Variants in ATRNL1 observed in about 807,000 individuals in gnomAD.
The protein encoded by ATRNL1 is attractin-like protein 1.
In ATRNL1, 95 loss-of-function variants were observed where a neutral mutation model predicts 182.7. That is an observed-to-expected ratio of 0.52 (90% CI 0.44 to 0.62). ATRNL1 has a LOEUF of 0.62. Among genes scored for constraint, ATRNL1 ranks in the 20% least tolerant of loss-of-function variants. The pLI is 0.00. For synonymous variants in ATRNL1, 576 were observed against 568.3 expected (o/e 1.01, Z -0.19); for missense variants, 1,471 against 1,679.5 (o/e 0.88, Z 2.17).
At chr10:115,492,205 C>T (rs932674290) in intron 24 of ATRNL1, among the ~76,000 whole-genome samples, 2 of 152,126 alleles carry the variant, frequency 1.3e-5, no homozygotes, top group African/African-American at 2.4e-5. Flanking sequence ...GCTAGCAAAT[C>T]GTCAAGCTCT....
intron 26 of ATRNL1, among the ~76,000 whole-genome samples, chr10:115,588,690 A>T (rs996664122): frequency 6.6e-6 from 1 of 152,028 alleles, no homozygotes; most frequent in Non-Finnish European, 1.5e-5. Context: ...TGTGTCCCAG[A>T]TTTTCCTACC....
At chr10:115,595,962 T>C (rs1856212441) in intron 26 of ATRNL1, among the ~76,000 whole-genome samples, 1 of 152,186 alleles carries the variant, frequency 6.6e-6, no homozygotes, top group African/African-American at 2.4e-5. Context: ...ATAACAGCTT[T>C]TAAAGGTTTG....
chr10:115,312,618 G>C (rs1854091939), intron 17 of ATRNL1, among the ~76,000 whole-genome samples: 1 of 152,128 alleles, frequency 6.6e-6, no homozygotes, highest in Non-Finnish European at 1.5e-5. Flanking sequence ...TCTCTCAGGA[G>C]CTCTTTGAGC....
chr10:115,379,741 C>T (rs1260697553), intron 19 of ATRNL1, among the ~76,000 whole-genome samples: 1 of 152,184 alleles, frequency 6.6e-6, no homozygotes, highest in Non-Finnish European at 1.5e-5. Flanking sequence ...CTGTAATTCT[C>T]ACATCTTATG....
At chr10:115,368,777 G>T (rs1352035541) in intron 19 of ATRNL1, among the ~76,000 whole-genome samples, 1 of 150,766 alleles carries the variant, frequency 6.6e-6, no homozygotes, top group African/African-American at 2.5e-5. Context: ...GCAGTGGTGT[G>T]ATCTTGGTTC....
intron 27 of ATRNL1, among the ~76,000 whole-genome samples, chr10:115,840,047 TA>T: frequency 6.6e-6 from 1 of 152,180 alleles, no homozygotes; most frequent in Non-Finnish European, 1.5e-5. Flanking sequence ...CATTTATTCA[TA>T]AAATATTTCT....
intron 19 of ATRNL1, among the ~76,000 whole-genome samples, chr10:115,372,725 A>C (rs1267953643): frequency 6.6e-6 from 1 of 152,052 alleles, no homozygotes; most frequent in East Asian, 1.9e-4. Flanking sequence ...TTATTTCATC[A>C]ATCATATGTC....
chr10:115,912,401 T>TAC (rs1212306548), intron 28 of ATRNL1, among the ~76,000 whole-genome samples: 1 of 81,064 alleles, frequency 1.2e-5, no homozygotes, highest in Non-Finnish European at 2.3e-5. Flanking sequence ...GTGAAATACA[T>TAC]ATATATATAT....
At chr10:115,607,886 G>A (rs190009085) in intron 26 of ATRNL1, among the ~76,000 whole-genome samples, 1 of 151,888 alleles carries the variant, frequency 6.6e-6, no homozygotes, top group African/African-American at 2.4e-5. Context: ...CTTCGTATAT[G>A]GAAATCACCA....
intron 27 of ATRNL1, among the ~76,000 whole-genome samples, chr10:115,737,809 G>T (rs566832294): frequency 2.0e-5 from 3 of 152,080 alleles, no homozygotes; most frequent in Non-Finnish European, 4.4e-5. Flanking sequence ...GAGAGTCCAG[G>T]TATAGTCTTT....
intron 19 of ATRNL1, among the ~76,000 whole-genome samples, chr10:115,361,534 A>G (rs1349486298): frequency 3.3e-5 from 5 of 152,120 alleles, no homozygotes; most frequent in African/African-American, 1.2e-4. Context: ...GTCTACTCAC[A>G]GACACATGTA....
chr10:115,798,751 A>C (rs1036205123), intron 27 of ATRNL1, among the ~76,000 whole-genome samples: 6 of 151,182 alleles, frequency 4.0e-5, no homozygotes, highest in Non-Finnish European at 5.9e-5. Flanking sequence ...TAAACTACTT[A>C]CTTGGTTTCA....
At chr10:115,877,574 T>C (rs1216939693) in intron 28 of ATRNL1, among the ~76,000 whole-genome samples, 4 of 152,206 alleles carry the variant, frequency 2.6e-5, no homozygotes, top group Admixed American at 6.5e-5. Context: ...TGACAATAAA[T>C]GGGTAAAGTA....
chr10:115,856,615 G>C (rs1307465062), intron 28 of ATRNL1, among the ~76,000 whole-genome samples: 10 of 151,824 alleles, frequency 6.6e-5, no homozygotes, highest in Non-Finnish European at 8.8e-5. Context: ...TGATGGTTTT[G>C]GGATTAAACT....
At chr10:115,332,018 G>A (rs892108081) in intron 18 of ATRNL1, among the ~76,000 whole-genome samples, 1 of 152,140 alleles carries the variant, frequency 6.6e-6, no homozygotes, top group African/African-American at 2.4e-5. Flanking sequence ...CCTGTTACTA[G>A]CCCTACTCTT....
intron 10 of ATRNL1, among the ~76,000 whole-genome samples, chr10:115,258,556 G>A (rs1554907723): frequency 6.6e-6 from 1 of 151,810 alleles, no homozygotes; most frequent in Non-Finnish European, 1.5e-5. Flanking sequence ...CAATGGGTTC[G>A]AACATCCTCC....
chr10:115,329,614 C>G (rs533585331), intron 18 of ATRNL1, among the ~76,000 whole-genome samples: 2 of 152,098 alleles, frequency 1.3e-5, no homozygotes, highest in African/African-American at 4.8e-5. Context: ...TGTATTGATC[C>G]CTTTATCAGT....
chr10:115,794,778 T>C (rs555001139), intron 27 of ATRNL1, among the ~76,000 whole-genome samples: 2 of 152,290 alleles, frequency 1.3e-5, no homozygotes, highest in South Asian at 4.1e-4. Flanking sequence ...TTCTTCAATA[T>C]AAAATTATTA....
At chr10:115,824,342 C>A (rs190268862) in intron 27 of ATRNL1, among the ~76,000 whole-genome samples, 4 of 152,220 alleles carry the variant, frequency 2.6e-5, no homozygotes, top group African/African-American at 9.6e-5. Context: ...AAAACCTAGG[C>A]AATACCATTC....
Sources: gnomAD v4.1 joint callset for allele counts (sites outside exome capture counted in the v4.1 genomes callset) on GRCh38, gnomAD v4.1.1 for gene constraint, MANE v1.5 for transcripts, NCBI Gene and HGNC (gene_info 2026-07-23, HGNC 2026-07-21) for gene names.